Variants in KCNIP4 observed in about 807,000 individuals in gnomAD.
KCNIP4 encodes Kv channel-interacting protein 4.
In KCNIP4, 12 loss-of-function variants were observed where a neutral mutation model predicts 34.0. The observed-to-expected ratio is 0.35, with a 90% confidence interval of 0.23 to 0.57. The LOEUF is 0.57. Among genes scored for constraint, KCNIP4 ranks in the 20% least tolerant of loss-of-function variants. The pLI, the probability that KCNIP4 is intolerant of heterozygous loss-of-function variation, is 0.83. For missense variants in KCNIP4, 238 were observed against 311.7 expected, an observed-to-expected ratio of 0.76 and a Z score of 1.78; for synonymous variants, 124 against 102.2, an observed-to-expected ratio of 1.21 and a Z score of -1.29.
At chr4:21,779,872 A>G (rs1011507738) in intron 1 of KCNIP4, among the ~76,000 whole-genome samples, 5 of 152,066 alleles carry the variant, frequency 3.3e-5, no homozygotes, top group Admixed American at 1.3e-4. Flanking sequence ...TCAAGGCTGC[A>G]GTGAGCTATA....
chr4:21,840,347 A>C (rs1723603346), intron 1 of KCNIP4, among the ~76,000 whole-genome samples: 2 of 152,070 alleles, frequency 1.3e-5, no homozygotes, highest in Non-Finnish European at 2.9e-5. Flanking sequence ...ACGACGTTGC[A>C]CAAGTTGCTC....
chr4:20,883,568 T>C (rs1315821551), intron 1 of KCNIP4, among the ~76,000 whole-genome samples: 6 of 152,144 alleles, frequency 3.9e-5, no homozygotes, highest in African/African-American at 1.4e-4. Context: ...GTCATGTTAA[T>C]AGGTAACTAG....
At chr4:21,718,874 A>T (rs566993869) in intron 1 of KCNIP4, 1 of 152,330 alleles carries the variant, frequency 6.6e-6, no homozygotes, top group East Asian at 1.9e-4. Context: ...CGGATCCTCA[A>T]GTTTCTGTTT....
intron 1 of KCNIP4, among the ~76,000 whole-genome samples, chr4:21,814,702 C>T (rs986358005): frequency 3.3e-5 from 5 of 152,116 alleles, no homozygotes; most frequent in African/African-American, 1.2e-4. Flanking sequence ...CATTTTCAGA[C>T]TCGTACACCT....
chr4:21,338,926 A>G (rs977023660), intron 1 of KCNIP4, among the ~76,000 whole-genome samples: 7 of 152,176 alleles, frequency 4.6e-5, no homozygotes, highest in African/African-American at 1.7e-4. Flanking sequence ...ACAAAACTAT[A>G]GAATTCAGAG....
At chr4:21,915,803 T>G (rs911534752) in intron 1 of KCNIP4, among the ~76,000 whole-genome samples, 7 of 152,186 alleles carry the variant, frequency 4.6e-5, no homozygotes, top group Non-Finnish European at 7.3e-5. Flanking sequence ...TCAAAGTATG[T>G]CATGTTCTTT....
intron 3 of KCNIP4, among the ~76,000 whole-genome samples, chr4:20,809,974 T>G (rs1435726824): frequency 6.6e-6 from 1 of 152,162 alleles, no homozygotes; most frequent in Non-Finnish European, 1.5e-5. Context: ...AGAGGCAAAG[T>G]CAGAGAAACA....
At chr4:21,355,145 T>C (rs180740053) in intron 1 of KCNIP4, among the ~76,000 whole-genome samples, 122 of 152,300 alleles carry the variant, frequency 8.0e-4, no homozygotes, top group Non-Finnish European at 1.5e-3. Context: ...GGAACACATT[T>C]AAAGCAGTGT....
intron 1 of KCNIP4, among the ~76,000 whole-genome samples, chr4:21,390,570 C>T (rs1722473252): frequency 6.6e-6 from 1 of 152,130 alleles, no homozygotes; most frequent in South Asian, 2.1e-4. Context: ...ATCCTTTCCC[C>T]ATTTCTTGTT....
intron 1 of KCNIP4, among the ~76,000 whole-genome samples, chr4:20,963,202 C>T (rs553113119): frequency 1.6e-3 from 241 of 152,092 alleles, no homozygotes; most frequent in African/African-American, 5.5e-3. Flanking sequence ...TGACACACGC[C>T]TGTAGTCCCA....
At chr4:21,178,744 A>C (rs1754621303) in intron 1 of KCNIP4, among the ~76,000 whole-genome samples, 1 of 151,622 alleles carries the variant, frequency 6.6e-6, no homozygotes, top group African/African-American at 2.4e-5. Context: ...TCTGAGGACC[A>C]TATCTCCTGT....
At chr4:20,996,962 G>C (rs1018604321) in intron 1 of KCNIP4, among the ~76,000 whole-genome samples, 1 of 152,118 alleles carries the variant, frequency 6.6e-6, no homozygotes, top group Non-Finnish European at 1.5e-5. Flanking sequence ...TCCTCACGCA[G>C]GCATTTGAAT....
chr4:21,933,341 T>C (rs761130294), intron 1 of KCNIP4, among the ~76,000 whole-genome samples: 7 of 152,028 alleles, frequency 4.6e-5, no homozygotes, highest in Non-Finnish European at 1.0e-4. Context: ...TTTTGTCACT[T>C]GCTGTCTTTT....
At chr4:21,539,321 C>G (rs1301403825) in intron 1 of KCNIP4, among the ~76,000 whole-genome samples, 17 of 152,084 alleles carry the variant, frequency 1.1e-4, no homozygotes, top group Non-Finnish European at 7.4e-5. Flanking sequence ...ATCACCTCAG[C>G]TAAAGTATCT....
chr4:21,878,597 C>A (rs1726278351), intron 1 of KCNIP4, among the ~76,000 whole-genome samples: 1 of 152,192 alleles, frequency 6.6e-6, no homozygotes, highest in African/African-American at 2.4e-5. Context: ...CCCAAGATGA[C>A]AATGAGCAAT....
chr4:21,270,290 A>G (rs1268035175), intron 1 of KCNIP4, among the ~76,000 whole-genome samples: 1 of 152,166 alleles, frequency 6.6e-6, no homozygotes, highest in Non-Finnish European at 1.5e-5. Flanking sequence ...TAAGGAAGGT[A>G]TGAGGTACCA....
At chr4:21,046,332 T>C (rs1159192808) in intron 1 of KCNIP4, among the ~76,000 whole-genome samples, 1 of 152,214 alleles carries the variant, frequency 6.6e-6, no homozygotes, top group African/African-American at 2.4e-5. Context: ...GATGAATCAC[T>C]GGAATCACTT....
chr4:21,928,006 G>A (rs1021222366), intron 1 of KCNIP4, among the ~76,000 whole-genome samples: 1 of 151,832 alleles, frequency 6.6e-6, no homozygotes, highest in African/African-American at 2.4e-5. Context: ...TGTCTACATA[G>A]GTTATAAGTA....
chr4:21,616,894 A>C, intron 1 of KCNIP4, among the ~76,000 whole-genome samples: 1 of 152,198 alleles, frequency 6.6e-6, no homozygotes, highest in Admixed American at 6.5e-5. Flanking sequence ...TACATCTTGA[A>C]GTGCTGTCAG....
Sources: allele counts gnomAD v4.1 joint callset (sites outside exome capture counted in the v4.1 genomes callset), GRCh38; gene constraint gnomAD v4.1.1; transcripts MANE v1.5; gene names NCBI Gene and HGNC (gene_info 2026-07-23, HGNC 2026-07-21).